Variants in GRIK2 observed in about 807,000 individuals in gnomAD.
GRIK2 encodes glutamate ionotropic receptor kainate type subunit 2.
A neutral mutation model predicts 100.3 loss-of-function variants in GRIK2; 32 were observed. The ratio of observed to expected loss-of-function variants is 0.32; its 90% CI spans 0.24 to 0.43. The LOEUF is 0.43. Ranked by LOEUF, GRIK2 falls within the 20% of genes least tolerant of loss-of-function variation. The pLI is 1.00. For synonymous variants in GRIK2, 417 were observed against 389.4 expected, an observed-to-expected ratio of 1.07 and a Z score of -0.83; for missense variants, 843 against 1,114.9, an observed-to-expected ratio of 0.76 and a Z score of 3.47.
chr6:101,436,336 A>G (rs775569690), intron 2 of GRIK2, among the ~76,000 whole-genome samples: 9 of 151,784 alleles, frequency 5.9e-5, no homozygotes, highest in Non-Finnish European at 8.8e-5. Flanking sequence ...AGGATAGTGC[A>G]CAAAACAGAA....
intron 12 of GRIK2, among the ~76,000 whole-genome samples, chr6:101,923,551 G>T (rs1789688476): frequency 6.6e-6 from 1 of 152,078 alleles, no homozygotes; most frequent in South Asian, 2.1e-4. Flanking sequence ...TAAAATAGTG[G>T]TTCAGATAAG....
At chr6:102,046,471 G>C (rs1439678946) in intron 15 of GRIK2, among the ~76,000 whole-genome samples, 1 of 151,954 alleles carries the variant, frequency 6.6e-6, no homozygotes, top group Admixed American at 6.6e-5. Context: ...AGATCTGATG[G>C]TTAAAAAGTG....
intron 7 of GRIK2, among the ~76,000 whole-genome samples, chr6:101,689,307 CAA>C (rs964988697): frequency 3.9e-5 from 6 of 152,032 alleles, no homozygotes; most frequent in African/African-American, 1.4e-4. Context: ...GGATTATCAG[CAA>C]AGTTTCTAGT....
chr6:101,640,636 C>T (rs1034840344), intron 4 of GRIK2, among the ~76,000 whole-genome samples: 7 of 152,066 alleles, frequency 4.6e-5, no homozygotes, highest in East Asian at 1.9e-4. Context: ...GTCAAGTTGT[C>T]GTTGAATTTC....
chr6:101,968,589 A>T (rs989194890), intron 14 of GRIK2, among the ~76,000 whole-genome samples: 3 of 152,018 alleles, frequency 2.0e-5, no homozygotes, highest in Non-Finnish European at 4.4e-5. Context: ...TAATATTTCT[A>T]GATCCTCAGT....
intron 2 of GRIK2, among the ~76,000 whole-genome samples, chr6:101,401,658 C>T (rs1775312494): frequency 6.6e-6 from 1 of 152,170 alleles, no homozygotes; most frequent in Non-Finnish European, 1.5e-5. Context: ...CCTGTTGGGG[C>T]TATTTTGATG....
intron 2 of GRIK2, among the ~76,000 whole-genome samples, chr6:101,486,291 G>A (rs956759105): frequency 2.7e-5 from 4 of 149,116 alleles, no homozygotes; most frequent in East Asian, 2.0e-4. Context: ...AGTAGTAACC[G>A]AGCATTTGTG....
At chr6:101,643,311 T>C (rs1031493765) in intron 4 of GRIK2, among the ~76,000 whole-genome samples, 4 of 151,628 alleles carry the variant, frequency 2.6e-5, no homozygotes, top group Admixed American at 1.3e-4. Context: ...GTCATGAAGA[T>C]TTTCCCCTAT....
chr6:101,870,888 T>C (rs181988662), intron 11 of GRIK2, among the ~76,000 whole-genome samples: 1 of 152,006 alleles, frequency 6.6e-6, no homozygotes, highest in Admixed American at 6.6e-5. Flanking sequence ...TCAGATATAT[T>C]GGACGATGAG....
intron 2 of GRIK2, among the ~76,000 whole-genome samples, chr6:101,542,732 G>A (rs541703135): frequency 2.0e-5 from 3 of 152,148 alleles, no homozygotes; most frequent in South Asian, 2.1e-4. Flanking sequence ...AACTATGAGC[G>A]TGTAAGTGAT....
At chr6:101,591,976 T>A (rs1778665655) in intron 2 of GRIK2, among the ~76,000 whole-genome samples, 1 of 151,914 alleles carries the variant, frequency 6.6e-6, no homozygotes, top group Non-Finnish European at 1.5e-5. Flanking sequence ...ATGAATGGCT[T>A]AGTGTCATCT....
At chr6:101,778,157 A>G (rs1778866149) in intron 7 of GRIK2, among the ~76,000 whole-genome samples, 1 of 152,220 alleles carries the variant, frequency 6.6e-6, no homozygotes, top group Non-Finnish European at 1.5e-5. Context: ...ATTGTGTTAT[A>G]AAAGGAAAAA....
chr6:101,858,151 A>G (rs189855177), intron 10 of GRIK2, among the ~76,000 whole-genome samples: 1 of 151,988 alleles, frequency 6.6e-6, no homozygotes, highest in East Asian at 1.9e-4. Flanking sequence ...TTTCTTTTCT[A>G]TTGACCTATT....
chr6:101,608,205 A>G (rs1779517919), intron 2 of GRIK2, among the ~76,000 whole-genome samples: 1 of 151,828 alleles, frequency 6.6e-6, no homozygotes. Flanking sequence ...TGACTCCAAG[A>G]GCCCTTATCT....
intron 2 of GRIK2, among the ~76,000 whole-genome samples, chr6:101,487,028 A>G (rs1467983607): frequency 1.4e-5 from 2 of 146,476 alleles, no homozygotes; most frequent in Non-Finnish European, 3.0e-5. Context: ...TACATTGGGG[A>G]GAATTTAAGG....
chr6:101,566,790 A>G (rs2128297608), intron 2 of GRIK2, among the ~76,000 whole-genome samples: 1 of 149,958 alleles, frequency 6.7e-6, no homozygotes, highest in South Asian at 2.1e-4. Flanking sequence ...TGCCTATTAT[A>G]TATAATATAA....
chr6:101,475,785 C>T (rs373857685), intron 2 of GRIK2, among the ~76,000 whole-genome samples: 10 of 151,744 alleles, frequency 6.6e-5, no homozygotes, highest in African/African-American at 2.4e-4. Context: ...CTAAAAAAGG[C>T]GATATTTGTG....
chr6:101,700,675 A>C (rs1288059982), intron 7 of GRIK2, among the ~76,000 whole-genome samples: 2 of 152,110 alleles, frequency 1.3e-5, no homozygotes, highest in Non-Finnish European at 2.9e-5. Context: ...TTGATTAGTA[A>C]GGTTAAGGCT....
chr6:102,006,044 C>T (rs1457757084), intron 14 of GRIK2, among the ~76,000 whole-genome samples: 4 of 152,040 alleles, frequency 2.6e-5, no homozygotes, highest in African/African-American at 9.6e-5. Flanking sequence ...ACTTAATTAC[C>T]TGTTTAAAGG....
Sources: allele counts gnomAD v4.1 joint callset (sites outside exome capture counted in the v4.1 genomes callset), GRCh38; gene constraint gnomAD v4.1.1; transcripts MANE v1.5; gene names NCBI Gene and HGNC (gene_info 2026-07-23, HGNC 2026-07-21).